Variants in ULK4 observed in about 807,000 individuals in gnomAD.
ULK4 encodes the protein unc-51 like kinase 4.
ULK4 carries 133 observed loss-of-function variants against 160.6 expected under a neutral mutation model. The ratio of observed to expected loss-of-function variants is 0.83; its 90% CI spans 0.72 to 0.96. The LOEUF (loss-of-function observed/expected upper bound fraction) is 0.96, where lower values mean the gene tolerates loss of function less well. ULK4 is among the 40% of genes least tolerant of loss of function. The pLI is 0.00. For synonymous variants in ULK4, 534 were observed against 539.8 expected (o/e 0.99, Z 0.15); for missense variants, 1,580 against 1,499.5 (o/e 1.05, Z -0.89).
intron 35 of ULK4, among the ~76,000 whole-genome samples, chr3:41,328,241 A>G (rs900740714): frequency 3.3e-5 from 5 of 152,220 alleles, no homozygotes; most frequent in African/African-American, 1.2e-4. Flanking sequence ...TTGAGTCCAC[A>G]GAGTGATATG....
At chr3:41,685,881 TGA>T (rs923341614) in intron 27 of ULK4, among the ~76,000 whole-genome samples, 3 of 152,168 alleles carry the variant, frequency 2.0e-5, no homozygotes, top group Non-Finnish European at 4.4e-5. Flanking sequence ...TCTATTGCAC[TGA>T]GAGCCCAAGG....
At chr3:41,627,675 C>T (rs1279819530) in intron 30 of ULK4, among the ~76,000 whole-genome samples, 1 of 152,170 alleles carries the variant, frequency 6.6e-6, no homozygotes, top group East Asian at 1.9e-4. Context: ...ACTCAAAGTC[C>T]ATGCCCTCAA....
At chr3:41,284,414 A>T (rs1290118671) in intron 35 of ULK4, among the ~76,000 whole-genome samples, 1 of 152,186 alleles carries the variant, frequency 6.6e-6, no homozygotes, top group African/African-American at 2.4e-5. Flanking sequence ...CCGATGGAAC[A>T]GAATAGAAAA....
chr3:41,348,676 C>T (rs2080853346), intron 35 of ULK4, among the ~76,000 whole-genome samples: 3 of 152,186 alleles, frequency 2.0e-5, no homozygotes, highest in South Asian at 2.1e-4. Flanking sequence ...TCTTTGAGTA[C>T]GATTAGTTTT....
At position 41,919,714 on chromosome 3, in the gene ULK4, T is replaced by C. The variant is rs201179222; in HGVS notation, c.643+3A>G. The C allele has an allele frequency of 1.9e-6, 3 of 1,612,920 alleles. No homozygotes were observed. Among genetic ancestry groups the C allele is most frequent in the Non-Finnish European group, 1.7e-6 (2 of 1,179,052 alleles). ...ATTTTATACCTATTCAGGAAACAAT[T>C]ACCTGAAAACATTTCATAAAGCAGA... is the stretch of plus-strand genomic sequence containing the variant. On this transcript the variant is annotated splice_donor_region_variant and intron_variant, in intron 6 of 36. Transcript: ENST00000301831.
chr3:41,455,825 G>A (rs1026908014), intron 33 of ULK4, among the ~76,000 whole-genome samples: 1 of 152,202 alleles, frequency 6.6e-6, no homozygotes, highest in African/African-American at 2.4e-5. Context: ...AGGCTGACCT[G>A]GACAGCACAT....
At chr3:41,881,284 TAAAAAAAAAAAAAA>T (rs58977381) in intron 17 of ULK4, among the ~76,000 whole-genome samples, 7 of 126,260 alleles carry the variant, frequency 5.5e-5, no homozygotes, top group African/African-American at 2.5e-4. Context: ...CAGAAACTTC[TAAAAAAAAAAAAAA>T]AAAAAAAAAA....
intron 35 of ULK4, among the ~76,000 whole-genome samples, chr3:41,323,373 G>A (rs966330047): frequency 1.6e-5 from 2 of 123,212 alleles, no homozygotes; most frequent in Non-Finnish European, 3.3e-5. Context: ...ATTAAATCCC[G>A]ACCCCTTCCT....
intron 34 of ULK4, among the ~76,000 whole-genome samples, chr3:41,445,274 A>G (rs943542904): frequency 2.6e-5 from 4 of 152,320 alleles, no homozygotes; most frequent in African/African-American, 7.2e-5. Flanking sequence ...GGAAGAATCA[A>G]TATCGTGAAA....
At chr3:41,920,567 C>A (rs1699148126) in intron 5 of ULK4, among the ~76,000 whole-genome samples, 1 of 152,154 alleles carries the variant, frequency 6.6e-6, no homozygotes, top group African/African-American at 2.4e-5. Context: ...CACAGCTAGG[C>A]AGTTGCAGAG....
intron 35 of ULK4, among the ~76,000 whole-genome samples, chr3:41,359,653 C>T (rs2081102482): frequency 6.6e-6 from 1 of 152,158 alleles, no homozygotes; most frequent in Non-Finnish European, 1.5e-5. Context: ...AGACAACTCT[C>T]CCAAGAAGTT....
chr3:41,787,254 A>G (rs1008070277), intron 21 of ULK4, among the ~76,000 whole-genome samples: 7 of 151,932 alleles, frequency 4.6e-5, no homozygotes, highest in African/African-American at 1.5e-4. Flanking sequence ...TCCCAACCCA[A>G]CGACAGAAAG....
At chr3:41,769,897 G>A (rs560181387) in intron 21 of ULK4, among the ~76,000 whole-genome samples, 6 of 152,216 alleles carry the variant, frequency 3.9e-5, no homozygotes, top group Admixed American at 2.0e-4. Context: ...TGTATAGCCT[G>A]GCCATCAACT....
At chr3:41,256,895 C>T (rs1300605249) in intron 35 of ULK4, among the ~76,000 whole-genome samples, 2 of 152,188 alleles carry the variant, frequency 1.3e-5, no homozygotes, top group South Asian at 2.1e-4. Flanking sequence ...GTCTCTGTTG[C>T]CCAGGCTGGA....
intron 25 of ULK4, among the ~76,000 whole-genome samples, chr3:41,713,182 G>A (rs2037161755): frequency 6.6e-6 from 1 of 152,118 alleles, no homozygotes; most frequent in Admixed American, 6.6e-5. Flanking sequence ...GCTTTAATAT[G>A]CTAATTTGCA....
intron 32 of ULK4, among the ~76,000 whole-genome samples, chr3:41,507,146 A>G (rs1240856744): frequency 1.3e-5 from 2 of 148,572 alleles, no homozygotes; most frequent in East Asian, 3.9e-4. Context: ...AAAAAAAAAA[A>G]TAGAATTATA....
chr3:41,807,308 T>C (rs2040675762), intron 19 of ULK4, among the ~76,000 whole-genome samples: 1 of 152,196 alleles, frequency 6.6e-6, no homozygotes, highest in Non-Finnish European at 1.5e-5. Context: ...TAATGATGAT[T>C]ATAATAGGTC....
At chr3:41,267,028 G>A (rs553850953) in intron 35 of ULK4, among the ~76,000 whole-genome samples, 4 of 139,318 alleles carry the variant, frequency 2.9e-5, no homozygotes, top group South Asian at 2.5e-4. Context: ...TGGGGGGGGG[G>A]GGTTTAAGGC....
chr3:41,253,689 A>G (rs2078780192), intron 35 of ULK4, among the ~76,000 whole-genome samples: 1 of 152,216 alleles, frequency 6.6e-6, no homozygotes, highest in Non-Finnish European at 1.5e-5. Flanking sequence ...CATTAAATGT[A>G]AATGATCTAA....
Sources: gnomAD v4.1 joint callset for allele counts (sites outside exome capture counted in the v4.1 genomes callset) on GRCh38, gnomAD v4.1.1 for gene constraint, MANE v1.5 for transcripts, NCBI Gene and HGNC (gene_info 2026-07-23, HGNC 2026-07-21) for gene names.